The following AGAP5 variants were observed in gnomAD, a reference collection of about 807,000 sequenced individuals.
The protein encoded by AGAP5 is ArfGAP with GTPase domain, ankyrin repeat and PH domain 5, also known as arf-GAP with GTPase, ANK repeat and PH domain-containing protein 5.
In AGAP5, 8 loss-of-function variants were observed where a neutral mutation model predicts 27.7. The observed-to-expected ratio is 0.29, with a 90% CI of 0.17 to 0.52. AGAP5 has a LOEUF of 0.52. Among genes scored for constraint, AGAP5 ranks in the 20% least tolerant of loss-of-function variants. The pLI is 0.97. For synonymous variants in AGAP5, 111 were observed against 338.0 expected (o/e 0.33, Z 7.37); for missense variants, 285 against 880.8 (o/e 0.32, Z 8.56).
intron 5 of AGAP5, chr10:73,682,188 T>C (rs201370405): frequency 0.14 from 119,023 of 836,770 alleles, 8,348 homozygotes; most frequent in South Asian, 0.2. Flanking sequence ...GGTGGTGGTG[T>C]TGGTTGTTGT....
At chr10:73,677,227 T>A (rs925123107) in intron 6 of AGAP5, among the ~76,000 whole-genome samples, 8 of 151,864 alleles carry the variant, frequency 5.3e-5, no homozygotes, top group Non-Finnish European at 8.8e-5. Context: ...TCATCTGCCT[T>A]TTTAAGAGGC....
intron 6 of AGAP5, among the ~76,000 whole-genome samples, chr10:73,678,271 C>T (rs1448081503): frequency 6.6e-6 from 1 of 152,046 alleles, no homozygotes; most frequent in African/African-American, 2.4e-5. Context: ...TGCCACACAT[C>T]TGTGGTCCCA....
intron 3 of AGAP5, among the ~76,000 whole-genome samples, chr10:73,693,835 G>GT (rs2082139185): frequency 6.6e-6 from 1 of 152,024 alleles, no homozygotes; most frequent in East Asian, 1.9e-4. Flanking sequence ...AGAAGTAGGT[G>GT]TTAAAGCCAT....
At chr10:73,690,022 G>C (rs1020641761) in intron 4 of AGAP5, among the ~76,000 whole-genome samples, 34 of 151,850 alleles carry the variant, frequency 2.2e-4, no homozygotes, top group Non-Finnish European at 4.6e-4. Flanking sequence ...CGCCCTGTCC[G>C]GGAGGTGAGG....
chr10:73,690,606 TA>T lies in AGAP5; in HGVS notation c.396+1436del, dbSNP rs1183445618. ...CGAGAAACACCCAAGAATGATCAAT[TA>T]AAAAAAAAAAAAAAAAAAGAGCACA... On this transcript the variant is annotated intron_variant, in intron 4 of 7. Coordinates refer to ENST00000374094, the MANE Select transcript of AGAP5 (RefSeq NM_001144000.4). Among the ~76,000 whole-genome samples, 280 of 114,982 alleles carry T rather than the reference TA, an allele frequency of 2.4e-3. 1 individual carries two copies. Among genetic ancestry groups the T allele is most frequent in the East Asian group, 0.01 (27 of 2,678 alleles). The allele number at this position is 114,982 out of a possible 152,430, so 75.4% of individuals were successfully genotyped here. A position where few individuals can be genotyped will look rare whatever the true frequency, so the allele number is the denominator to read the frequency against.
intron 2 of AGAP5, among the ~76,000 whole-genome samples, chr10:73,695,991 G>A (rs2082158253): frequency 6.6e-6 from 1 of 151,820 alleles, no homozygotes; most frequent in Non-Finnish European, 1.5e-5. Context: ...GCAGTGTAGA[G>A]ACTAAAAAAC....
At chr10:73,689,966 C>T (rs1481893734) in intron 4 of AGAP5, among the ~76,000 whole-genome samples, 1 of 151,926 alleles carries the variant, frequency 6.6e-6, no homozygotes, top group Non-Finnish European at 1.5e-5. Context: ...CGGCCAGCCG[C>T]CCCGTCTGGG....
intron 2 of AGAP5, among the ~76,000 whole-genome samples, chr10:73,695,539 G>A (rs571095414): frequency 6.6e-6 from 1 of 152,290 alleles, no homozygotes; most frequent in African/African-American, 2.4e-5. Context: ...CAGAGTATAA[G>A]TTTACACAAG....
At chr10:73,677,376 CTTTTTTTTTTTTTTTTTT>C (rs3998276) in intron 6 of AGAP5, among the ~76,000 whole-genome samples, 1 of 32,466 alleles carries the variant, frequency 3.1e-5, no homozygotes, top group Admixed American at 3.6e-4. Context: ...CATAACTGTT[CTTTTTTTTTTTTTTTTTT>C]TTTTTTTTGA....
At chr10:73,676,931 T>A (rs1391115983) in intron 6 of AGAP5, among the ~76,000 whole-genome samples, 161 bp from the exon 7 acceptor site, 1 of 152,056 alleles carries the variant, frequency 6.6e-6, no homozygotes, top group East Asian at 1.9e-4. Flanking sequence ...TTTCCTGACT[T>A]CTTCTTTCTC....
chr10:73,689,241 G>C (rs936443722), intron 4 of AGAP5, among the ~76,000 whole-genome samples: 2 of 152,218 alleles, frequency 1.3e-5, no homozygotes, highest in Admixed American at 6.5e-5. Context: ...CGCCAGCCTC[G>C]GCCTCCCGAG....
At chr10:73,677,119 T>TA in intron 6 of AGAP5, among the ~76,000 whole-genome samples, 1 of 152,296 alleles carries the variant, frequency 6.6e-6, no homozygotes, top group South Asian at 2.1e-4. Flanking sequence ...TTAATAAATG[T>TA]AAATGTGATT....
Position 73,682,792 on chromosome 10 carries a change from T to C in AGAP5, c.399A>G (p.Val133=). Residue 133 remains valine (V), a splice_region_variant and synonymous_variant, in exon 5 of 8, where the codon GTA becomes GTG. Coordinates refer to ENST00000374094, the MANE Select transcript of AGAP5 (RefSeq NM_001144000.4). ...ATTGTTGACTGAAACGCTCAGTAGA[T>C]ACCTGAAGGGGAAGGGAAGTGTAAG... ...EIRRSNCTNH[V]STERFSQQYS... is the part of the protein sequence containing the mutation. 6.2e-7 allele frequency: 1 copy of C among 1,612,032 alleles called. No individual in the cohort carries two copies. The highest frequency in any genetic ancestry group is 1.7e-4 in the Middle Eastern group (1 of 5,976).
intron 3 of AGAP5, among the ~76,000 whole-genome samples, chr10:73,694,189 C>T (rs866162091): frequency 6.6e-6 from 1 of 152,258 alleles, no homozygotes; most frequent in Middle Eastern, 3.4e-3. Context: ...TTTAAATTTA[C>T]ATTACATCAA....
At chr10:73,681,451 A>G (rs1224050537) in intron 5 of AGAP5, 1 of 985,296 alleles carries the variant, frequency 1.0e-6, no homozygotes, top group East Asian at 1.1e-4. Flanking sequence ...TCCCACTGAC[A>G]ACAGTGCACT....
chr10:73,697,721 C>G lies in AGAP5; in HGVS notation c.35G>C (p.Ser12Thr). The part of the protein sequence containing the change: ...GNILTCCVHP[S>T]VSLEFDQQQG... ...TTGCTGGTCAAACTCGAGGCTGACG[C>G]TAGGGTGCACACAACAGGTCAGTAT... is the stretch of plus-strand genomic sequence containing the variant. The change falls in exon 1 of 8, where the codon AGC becomes ACC. Residue 12 changes from serine to threonine, a missense_variant. Transcript: ENST00000374094. 1 of 1,597,878 alleles carries G rather than the reference C, an allele frequency of 6.3e-7. No homozygotes were observed. Among genetic ancestry groups the G allele is most frequent in the Non-Finnish European group, 8.5e-7 (1 of 1,179,782 alleles).
At chr10:73,677,786 A>G (rs1435907642) in intron 6 of AGAP5, among the ~76,000 whole-genome samples, 1 of 152,068 alleles carries the variant, frequency 6.6e-6, no homozygotes, top group Non-Finnish European at 1.5e-5. Flanking sequence ...TTTCGTTGAC[A>G]CTTGCCATGA....
At chr10:73,690,257 G>A (rs1207032297) in intron 4 of AGAP5, among the ~76,000 whole-genome samples, 1 of 152,206 alleles carries the variant, frequency 6.6e-6, no homozygotes, top group Non-Finnish European at 1.5e-5. Context: ...ATTTTGTTCT[G>A]TACTAAGAAA....
chr10:73,689,907 G>A (rs1479998819), intron 4 of AGAP5, among the ~76,000 whole-genome samples: 1 of 146,930 alleles, frequency 6.8e-6, no homozygotes, highest in African/African-American at 2.5e-5. Context: ...GGAGGTGAGG[G>A]GCGCCTCTGC....
Sources: allele counts gnomAD v4.1 joint callset (sites outside exome capture counted in the v4.1 genomes callset), GRCh38; gene constraint gnomAD v4.1.1; transcripts MANE v1.5; gene names NCBI Gene and HGNC (gene_info 2026-07-23, HGNC 2026-07-21).